The following TNFRSF21 variants were observed in gnomAD, a reference collection of about 807,000 sequenced individuals.
TNFRSF21 encodes TNF receptor superfamily member 21, also known as tumor necrosis factor receptor superfamily member 21.
In TNFRSF21, 19 loss-of-function variants were observed where a neutral mutation model predicts 45.6. The observed-to-expected ratio is 0.42, with a 90% CI of 0.29 to 0.61. TNFRSF21 has a LOEUF of 0.61. TNFRSF21 is among the 20% of genes least tolerant of loss of function. The pLI is 0.23. For synonymous variants in TNFRSF21, 314 were observed against 335.5 expected, an observed-to-expected ratio of 0.94 and a Z score of 0.70; for missense variants, 737 against 851.5, an observed-to-expected ratio of 0.87 and a Z score of 1.67.
At chr6:47,246,405 A>G (rs946676046) in intron 4 of TNFRSF21, among the ~76,000 whole-genome samples, 3 of 152,218 alleles carry the variant, frequency 2.0e-5, no homozygotes, top group African/African-American at 7.2e-5. Context: ...TCTCAGCAAG[A>G]TCTTTACAAA....
intron 4 of TNFRSF21, among the ~76,000 whole-genome samples, chr6:47,237,137 A>G (rs1698021392): frequency 6.6e-6 from 1 of 152,246 alleles, no homozygotes; most frequent in African/African-American, 2.4e-5. Flanking sequence ...GCATCACAGC[A>G]GAGCTAACAA....
chr6:47,282,928 T>C (rs1423807312), intron 3 of TNFRSF21, among the ~76,000 whole-genome samples: 2 of 152,220 alleles, frequency 1.3e-5, no homozygotes, highest in African/African-American at 4.8e-5. Flanking sequence ...GGGTTAAAAG[T>C]TTAAGATCTT....
chr6:47,238,916 T>C (rs1764703965), intron 4 of TNFRSF21, among the ~76,000 whole-genome samples: 1 of 152,180 alleles, frequency 6.6e-6, no homozygotes, highest in Non-Finnish European at 1.5e-5. Flanking sequence ...GCTGTGTCCT[T>C]GCCAACCCTA....
At position 47,255,699 on chromosome 6, in the gene TNFRSF21, G is replaced by A. The variant is rs369045097; in HGVS notation, c.1244-2178C>T. Among the ~76,000 whole-genome samples the A allele has an allele frequency of 9.2e-5, 14 of 152,248 alleles. 1 individual carries two copies. Among genetic ancestry groups the A allele is most frequent in the African/African-American group, 3.4e-4 (14 of 41,538 alleles). ...GCTGGTCTCAAACTCCTGACCTCAG[G>A]TGATCTGCCTGCCTTGGCCTCCCAA... is the stretch of plus-strand genomic sequence containing the variant. On this transcript the variant is annotated intron_variant, in intron 3 of 5. Coordinates refer to ENST00000296861, the MANE Select transcript of TNFRSF21 (RefSeq NM_014452.5).
chr6:47,269,707 G>A (rs1157937713), intron 3 of TNFRSF21, among the ~76,000 whole-genome samples: 5 of 152,140 alleles, frequency 3.3e-5, no homozygotes, highest in African/African-American at 1.2e-4. Context: ...AGAACAAAGA[G>A]GGAGAAATAT....
intron 4 of TNFRSF21, among the ~76,000 whole-genome samples, chr6:47,235,628 A>C (rs1473634276): frequency 6.6e-6 from 1 of 152,178 alleles, no homozygotes; most frequent in Admixed American, 6.5e-5. Context: ...CAGGGAAGGA[A>C]ACTGGGGCCT....
At position 47,234,820 on chromosome 6, in the gene TNFRSF21, G is replaced by A; in HGVS notation, c.1588C>T (p.Leu530Phe). The stretch of plus-strand genomic sequence containing the variant: ...ACCGTCAGGAGAGCGGAATTCTCAA[G>A]TTTCGCGTTGGGGCTGGGGATGGGG... ...PSPIPSPNAK[L>F]ENSALLTVEP... Residue 530 changes from leucine (L) to phenylalanine (F), a missense_variant, in exon 5 of 6, where the codon CTT becomes TTT. By Grantham distance (22) the Leu-to-Phe change is conservative. Coordinates refer to ENST00000296861, the MANE Select transcript of TNFRSF21 (RefSeq NM_014452.5). 1 of 1,552,826 alleles carries A rather than the reference G, an allele frequency of 6.4e-7. No homozygotes were observed. The highest frequency in any genetic ancestry group is 8.7e-7 in the Non-Finnish European group (1 of 1,153,302).
rs559025592 is a variant in TNFRSF21 at position 47,286,713 on chromosome 6, G to A, written c.97-118C>T. On this transcript the variant is annotated intron_variant, in intron 1 of 5. Coordinates refer to ENST00000296861, the MANE Select transcript of TNFRSF21 (RefSeq NM_014452.5). ...CCATCATCATTCCTGTTAAAGATCC[G>A]ACCAGGACTGCATCCTCTTGACAGC... The A allele has an allele frequency of 2.7e-3, 2,906 of 1,090,706 alleles. 4 individuals carry two copies. Among genetic ancestry groups the A allele is most frequent in the Non-Finnish European group, 3.0e-3 (2,327 of 781,520 alleles). The allele number at this position is 1,090,706 out of a possible 1,614,324, so 67.6% of individuals were successfully genotyped here.
intron 4 of TNFRSF21, among the ~76,000 whole-genome samples, chr6:47,252,394 A>C (rs911172237): frequency 6.6e-6 from 1 of 152,218 alleles, no homozygotes; most frequent in Non-Finnish European, 1.5e-5. Context: ...GTCTGTGGAA[A>C]ATATGATTCA....
intron 1 of TNFRSF21, among the ~76,000 whole-genome samples, chr6:47,289,088 G>A (rs1418218858): frequency 2.0e-5 from 3 of 152,190 alleles, no homozygotes; most frequent in African/African-American, 7.2e-5. Context: ...CTGCATTAAT[G>A]AATATTGAAA....
intron 4 of TNFRSF21, 24 bp downstream of exon 4, chr6:47,253,232 G>A (rs988165053): frequency 2.1e-5 from 33 of 1,606,500 alleles, no homozygotes; most frequent in Non-Finnish European, 2.7e-5. Flanking sequence ...CGGTGGTAAT[G>A]ACACACAACA....
intron 3 of TNFRSF21, among the ~76,000 whole-genome samples, chr6:47,268,981 C>G (rs1012308931): frequency 6.6e-6 from 1 of 152,200 alleles, no homozygotes; most frequent in Non-Finnish European, 1.5e-5. Context: ...CTGTACTGAG[C>G]AGAAGAACCC....
intron 3 of TNFRSF21, among the ~76,000 whole-genome samples, chr6:47,269,494 T>G (rs1762382415): frequency 6.6e-6 from 1 of 152,176 alleles, no homozygotes; most frequent in Non-Finnish European, 1.5e-5. Flanking sequence ...TCCTTAAGGG[T>G]GAACCTGGTT....
At chr6:47,285,350 T>C (rs899030608) in intron 2 of TNFRSF21, among the ~76,000 whole-genome samples, 1 of 152,214 alleles carries the variant, frequency 6.6e-6, no homozygotes. Context: ...TTAAAATCAT[T>C]TGGAAAAAAT....
rs1026176415 is a variant in TNFRSF21 at position 47,305,348 on chromosome 6, AT to A, written c.96+4067del. ...AAAGCAGTCACTTCCCCAGTAGAGT[AT>A]TTTTTTTTCTCTCAACCAAAAAATA... On this transcript the variant is annotated intron_variant, in intron 1 of 5. Transcript: ENST00000296861. Among the ~76,000 whole-genome samples the A allele has an allele frequency of 5.3e-5, 8 of 151,410 alleles. No homozygotes were observed. The East Asian group carries it at 7.7e-4, about 15-fold the overall frequency.
At chr6:47,249,448 A>G (rs1179452319) in intron 4 of TNFRSF21, among the ~76,000 whole-genome samples, 1 of 152,208 alleles carries the variant, frequency 6.6e-6, no homozygotes, top group Non-Finnish European at 1.5e-5. Context: ...CAATTTATTT[A>G]TTTATAAATA....
chr6:47,281,672 C>T (rs530870981), intron 3 of TNFRSF21, among the ~76,000 whole-genome samples: 12 of 152,098 alleles, frequency 7.9e-5, no homozygotes, highest in South Asian at 6.2e-4. Context: ...TGAGCCACCA[C>T]GCCTGGGCCA....
intron 3 of TNFRSF21, among the ~76,000 whole-genome samples, chr6:47,280,835 T>C (rs989413478): frequency 6.6e-6 from 1 of 152,052 alleles, no homozygotes; most frequent in Non-Finnish European, 1.5e-5. Flanking sequence ...CAAAAGAGAG[T>C]TTAAAAATGT....
intron 1 of TNFRSF21, among the ~76,000 whole-genome samples, chr6:47,300,691 T>C (rs1282467998): frequency 6.6e-6 from 1 of 152,214 alleles, no homozygotes; most frequent in Non-Finnish European, 1.5e-5. Context: ...TCTCTGAACA[T>C]GTAGGCTGTT....
Sources: gnomAD v4.1 joint callset for allele counts (sites outside exome capture counted in the v4.1 genomes callset) on GRCh38, gnomAD v4.1.1 for gene constraint, MANE v1.5 for transcripts, NCBI Gene and HGNC (gene_info 2026-07-23, HGNC 2026-07-21) for gene names.